NDST4: variants seen among roughly 807,000 people sequenced by gnomAD.
NDST4 encodes N-deacetylase and N-sulfotransferase 4.
In NDST4, 63 loss-of-function variants were observed where a neutral mutation model predicts 100.8. That is an observed-to-expected ratio of 0.62 (90% CI 0.51 to 0.77). NDST4 has a LOEUF of 0.77. Ranked by LOEUF, NDST4 falls within the 30% of genes least tolerant of loss-of-function variation. The pLI, the probability that NDST4 is intolerant of heterozygous loss-of-function variation, is 0.00. For missense variants in NDST4, 943 were observed against 1,018.4 expected (o/e 0.93, Z 1.01); for synonymous variants, 377 against 361.8 (o/e 1.04, Z -0.48).
intron 6 of NDST4, among the ~76,000 whole-genome samples, chr4:114,896,002 G>A (rs1724705644): frequency 1.3e-5 from 2 of 148,830 alleles, no homozygotes; most frequent in Admixed American, 1.3e-4. Flanking sequence ...TAAGAATAAA[G>A]TATCTTGTAT....
chr4:114,836,960 G>A (rs1465675513), intron 11 of NDST4, among the ~76,000 whole-genome samples: 5 of 152,078 alleles, frequency 3.3e-5, no homozygotes, highest in Non-Finnish European at 7.4e-5. Context: ...GTGTTTTTCA[G>A]CTCCATCAGG....
intron 11 of NDST4, 71 bp from the exon 12 acceptor site, chr4:114,833,786 C>T (rs1723253862): frequency 2.2e-6 from 2 of 893,612 alleles, no homozygotes; most frequent in East Asian, 2.6e-5. Context: ...CCTTCCTTTA[C>T]CTGGTGTGAC....
intron 6 of NDST4, among the ~76,000 whole-genome samples, chr4:114,917,327 A>G (rs1186569615): frequency 6.6e-6 from 1 of 152,212 alleles, no homozygotes; most frequent in Non-Finnish European, 1.5e-5. Context: ...CAGAAGGCCA[A>G]CTGTATACCT....
At chr4:114,883,035 C>T (rs924652585) in intron 6 of NDST4, among the ~76,000 whole-genome samples, 12 of 151,378 alleles carry the variant, frequency 7.9e-5, no homozygotes, top group African/African-American at 2.4e-4. Context: ...TAAACACTCA[C>T]AGAAAAACAA....
At position 114,845,824 on chromosome 4, in the gene NDST4, TGGTAC is replaced by T; in HGVS notation, c.2109_2113del (p.Trp703Ter). On this transcript the variant is annotated stop_gained and frameshift_variant and splice_region_variant, in exon 10 of 14. Transcript: ENST00000264363. LOFTEE classifies it high-confidence loss of function. ...AGCCGATTTTTTTACTGACCATACC[TGGTAC>T]CAAGAGTATGCCCTGTCTGAGGGGT... 6.2e-7 allele frequency: 1 copy of T among 1,609,212 alleles called. No individual in the cohort carries two copies. The highest frequency in any genetic ancestry group is 8.5e-7 in the Non-Finnish European group (1 of 1,176,786).
rs184826937 is a variant in NDST4, at chr4:114,933,084, G to T, written c.1536+2122C>A. Among the ~76,000 whole-genome samples the T allele has an allele frequency of 3.9e-5, 6 of 152,182 alleles. No individual in the cohort carries two copies. The East Asian group carries it at 1.2e-3, about 29-fold the overall frequency. On this transcript the variant is annotated intron_variant, in intron 6 of 13. Coordinates refer to ENST00000264363, the MANE Select transcript of NDST4 (RefSeq NM_022569.3). The stretch of plus-strand genomic sequence containing the variant: ...TATCATCAAACTATACTACAAAGCT[G>T]TGGTAATAAAAACAGCAAGGTACTG...
intron 6 of NDST4, among the ~76,000 whole-genome samples, chr4:114,877,507 GT>G (rs1469987778): frequency 6.6e-6 from 1 of 152,058 alleles, no homozygotes; most frequent in African/African-American, 2.4e-5. Flanking sequence ...TAGATGCCAA[GT>G]TTTTCACAAT....
intron 6 of NDST4, among the ~76,000 whole-genome samples, chr4:114,884,157 G>A (rs1724429785): frequency 6.6e-6 from 1 of 152,070 alleles, no homozygotes; most frequent in South Asian, 2.1e-4. Flanking sequence ...GCCCAGAGCT[G>A]ACGCTGGACT....
At chr4:114,929,770 T>C (rs1229005183) in intron 6 of NDST4, among the ~76,000 whole-genome samples, 1 of 152,244 alleles carries the variant, frequency 6.6e-6, no homozygotes, top group Non-Finnish European at 1.5e-5. Context: ...CTGAGATTTA[T>C]TTTAAGTTTA....
chr4:114,899,203 A>C (rs1724782027), intron 6 of NDST4, among the ~76,000 whole-genome samples: 1 of 151,966 alleles, frequency 6.6e-6, no homozygotes, highest in Non-Finnish European at 1.5e-5. Context: ...TTTTAGATGG[A>C]GCCTCGTTCT....
chr4:114,990,311 ACTC>A (rs1727009751), intron 2 of NDST4, among the ~76,000 whole-genome samples: 1 of 151,970 alleles, frequency 6.6e-6, no homozygotes, highest in Admixed American at 6.6e-5. Flanking sequence ...TTAAAATAAA[ACTC>A]CTAATTATTA....
chr4:115,027,332 C>T (rs79256798), intron 2 of NDST4, among the ~76,000 whole-genome samples: 8,250 of 152,152 alleles, frequency 0.054, 740 homozygotes, highest in African/African-American at 0.19. Flanking sequence ...AAACAGTTTG[C>T]CAACCCATGC....
At chr4:115,004,254 GT>G (rs941052369) in intron 2 of NDST4, among the ~76,000 whole-genome samples, 2 of 152,090 alleles carry the variant, frequency 1.3e-5, no homozygotes, top group African/African-American at 2.4e-5. Context: ...TTAATTAGAA[GT>G]TTTTTTAGCC....
intron 7 of NDST4, among the ~76,000 whole-genome samples, chr4:114,860,729 T>C (rs1468265389): frequency 6.6e-6 from 1 of 152,332 alleles, no homozygotes; most frequent in Non-Finnish European, 1.5e-5. Context: ...ATTTAGCCAA[T>C]GTATTTTTGA....
intron 5 of NDST4, among the ~76,000 whole-genome samples, chr4:114,936,568 A>G (rs1487240963): frequency 6.6e-6 from 1 of 152,212 alleles, no homozygotes; most frequent in East Asian, 1.9e-4. Context: ...AACTAATTAT[A>G]AAAACATCAT....
chr4:115,007,975 C>T (rs1727458636), intron 2 of NDST4, among the ~76,000 whole-genome samples: 1 of 129,358 alleles, frequency 7.7e-6, no homozygotes, highest in African/African-American at 2.9e-5. Flanking sequence ...ATTTTTAAAT[C>T]CACCACACAA....
chr4:114,941,767 A>C (rs568603198), intron 4 of NDST4, among the ~76,000 whole-genome samples: 1 of 152,308 alleles, frequency 6.6e-6, no homozygotes, highest in Admixed American at 6.5e-5. Context: ...GAGTCCCTGC[A>C]GGAGTACAGC....
intron 6 of NDST4, among the ~76,000 whole-genome samples, chr4:114,871,263 G>T (rs912131548): frequency 3.9e-5 from 6 of 152,088 alleles, no homozygotes; most frequent in Non-Finnish European, 5.9e-5. Context: ...GACTAGTGAA[G>T]AACCAATATT....
At position 115,076,558 on chromosome 4, in the gene NDST4, C is replaced by G; in HGVS notation, c.479G>C (p.Ser160Thr). The change falls in exon 2 of 14, where the codon AGT (serine) becomes ACT (threonine). Residue 160 changes from serine (S) to threonine (T), a missense_variant. Coordinates refer to ENST00000264363, the MANE Select transcript of NDST4 (RefSeq NM_022569.3). ...LEKYCVEYSV[S>T]IIGFHKANEN... ...ATTGGCTTTATGAAAACCGATTATA[C>G]TAACACTGTATTCCACACAGTATTT... 5 of 1,614,008 alleles carry G rather than the reference C, an allele frequency of 3.1e-6. No individual in the cohort carries two copies. The highest frequency in any genetic ancestry group is 1.7e-6 in the Non-Finnish European group (2 of 1,179,956).
Sources: gnomAD v4.1 joint callset for allele counts (sites outside exome capture counted in the v4.1 genomes callset) on GRCh38, gnomAD v4.1.1 for gene constraint, MANE v1.5 for transcripts, NCBI Gene and HGNC (gene_info 2026-07-23, HGNC 2026-07-21) for gene names.